TMEM132C: variants seen among roughly 807,000 people sequenced by gnomAD.
TMEM132C encodes the protein protein phosphatase 1, regulatory subunit 152.
Under a neutral mutation model 61.4 loss-of-function variants are expected in TMEM132C, and 29 were observed. The ratio of observed to expected loss-of-function variants is 0.47; its 90% CI spans 0.35 to 0.64. The LOEUF is 0.64. Ranked by LOEUF, TMEM132C falls within the 30% of genes least tolerant of loss-of-function variation. TMEM132C has a pLI of 0.00. For missense variants in TMEM132C, 1,408 were observed against 1,476.9 expected (o/e 0.95, Z 0.76); for synonymous variants, 656 against 633.1 (o/e 1.04, Z -0.54).
At chr12:128,373,264 A>T (rs1037279709) in intron 1 of TMEM132C, among the ~76,000 whole-genome samples, 4 of 152,120 alleles carry the variant, frequency 2.6e-5, no homozygotes, top group African/African-American at 9.7e-5. Flanking sequence ...GAAAGGAAGG[A>T]GTGGAGCTGG....
chr12:128,512,264 A>G (rs988765069), intron 2 of TMEM132C, among the ~76,000 whole-genome samples: 1 of 152,054 alleles, frequency 6.6e-6, no homozygotes, highest in East Asian at 1.9e-4. Context: ...AGCCACTTGC[A>G]TTTGTTTCTT....
rs549961487 is a variant in TMEM132C at position 128,548,480 on chromosome 12, A to G, written c.1121+4377A>G. On this transcript the variant is annotated intron_variant, in intron 3 of 8. Transcript: ENST00000435159. ...ACGTGGTTTGTGAAGGTGTTGCAGT[A>G]TGAAAATCCAGTGTATCAGTCAGCT... is the stretch of plus-strand genomic sequence containing the variant. Among the ~76,000 whole-genome samples the G allele has an allele frequency of 2.6e-5, 4 of 152,218 alleles. No individual in the cohort carries two copies. In the South Asian group the frequency reaches 8.3e-4, roughly 31 times the overall value.
At chr12:128,516,405 C>A (rs1249564617) in intron 2 of TMEM132C, among the ~76,000 whole-genome samples, 2 of 152,064 alleles carry the variant, frequency 1.3e-5, no homozygotes, top group African/African-American at 4.8e-5. Flanking sequence ...CCGAGGCGTT[C>A]CATAGCGGGC....
intron 2 of TMEM132C, among the ~76,000 whole-genome samples, chr12:128,538,521 T>G (rs896702360): frequency 6.6e-6 from 1 of 152,342 alleles, no homozygotes; most frequent in Admixed American, 6.5e-5. Flanking sequence ...CCCAAAGTTC[T>G]GGGATTACAA....
intron 1 of TMEM132C, among the ~76,000 whole-genome samples, chr12:128,267,985 C>T (rs991554311): frequency 3.3e-5 from 5 of 152,242 alleles, no homozygotes; most frequent in South Asian, 4.1e-4. Flanking sequence ...CTTTGCATCC[C>T]CTTTCCGCAA....
rs539523878 is a variant in TMEM132C, at chr12:128,672,997, A to C, written c.1449+3437A>C. 2.6e-5 allele frequency among the ~76,000 whole-genome samples: 4 copies of C among 152,336 alleles called. No homozygotes were observed. In the South Asian group the frequency reaches 6.2e-4, roughly 24 times the overall value. ...CACTGTATCAGCATCTTTCTGCACC[A>C]GTTGCCTGGGCTTCAGTTCCCACTG... On this transcript the variant is annotated intron_variant, in intron 5 of 8. Transcript: ENST00000435159.
intron 3 of TMEM132C, among the ~76,000 whole-genome samples, chr12:128,564,218 T>C (rs1874621110): frequency 6.6e-6 from 1 of 152,118 alleles, no homozygotes; most frequent in African/African-American, 2.4e-5. Context: ...TTAACTCAGC[T>C]CTGAAAGGCC....
intron 1 of TMEM132C, among the ~76,000 whole-genome samples, chr12:128,396,433 A>G (rs1372419614): frequency 1.3e-5 from 2 of 151,690 alleles, no homozygotes; most frequent in African/African-American, 2.4e-5. Context: ...GCTCGCATGC[A>G]TTAGACAAAT....
intron 2 of TMEM132C, among the ~76,000 whole-genome samples, chr12:128,489,562 C>CATATTTATAT (rs1555227211): frequency 6.5e-5 from 9 of 138,362 alleles, no homozygotes; most frequent in African/African-American, 2.3e-4. Context: ...TTTATATGCT[C>CATATTTATAT]ATATATATAT....
At chr12:128,409,879 C>T (rs568944900) in intron 1 of TMEM132C, among the ~76,000 whole-genome samples, 51 of 152,200 alleles carry the variant, frequency 3.4e-4, no homozygotes, top group South Asian at 6.2e-4. Flanking sequence ...ACTTTCTCCC[C>T]GGCTAAGAAA....
intron 5 of TMEM132C, among the ~76,000 whole-genome samples, chr12:128,689,474 C>T (rs768625572): frequency 1.3e-5 from 2 of 152,106 alleles, no homozygotes; most frequent in Non-Finnish European, 2.9e-5. Flanking sequence ...TTCATATTAA[C>T]GGAGCAGGTC....
chr12:128,425,710 T>A (rs1869159473), intron 2 of TMEM132C, among the ~76,000 whole-genome samples: 2 of 152,184 alleles, frequency 1.3e-5, no homozygotes, highest in Non-Finnish European at 2.9e-5. Context: ...TCGCCAGCTG[T>A]CCTCGATGGT....
intron 1 of TMEM132C, among the ~76,000 whole-genome samples, chr12:128,408,990 AAAG>A (rs982345328): frequency 9.9e-5 from 15 of 152,114 alleles, no homozygotes; most frequent in Middle Eastern, 3.2e-3. Context: ...GGAAGGCTGG[AAAG>A]AAGGAGAGAG....
chr12:128,695,772 C>A, intron 6 of TMEM132C, 58 bp from the exon 7 acceptor site: 1 of 1,468,518 alleles, frequency 6.8e-7, no homozygotes, highest in South Asian at 1.4e-5. Context: ...CTGCCTGTCT[C>A]AAGAACGTCT....
chr12:128,508,554 G>A (rs150706874), intron 2 of TMEM132C, among the ~76,000 whole-genome samples: 260 of 152,344 alleles, frequency 1.7e-3, no homozygotes, highest in African/African-American at 6.1e-3. Context: ...TGTGTGCAGA[G>A]CCACTTCCTG....
rs1297663280 is a variant in TMEM132C, at chr12:128,630,183, G to A, written c.1305+13848G>A. On this transcript the variant is annotated intron_variant, in intron 4 of 8. Coordinates refer to ENST00000435159, the MANE Select transcript of TMEM132C (RefSeq NM_001136103.3). This position sits in a 1 kb window ranked among gnomAD's most constrained non-coding sequence, Gnocchi z 4.3. ...AAGGTGTCTCAGGCGGCAAGCTGGCGGCAAGCCCAGGAATCTGCATCCCTA... is the reference window on the plus strand; with the variant it reads ...AAGGTGTCTCAGGCGGCAAGCTGGCAGCAAGCCCAGGAATCTGCATCCCTA... Among the ~76,000 whole-genome samples the A allele has an allele frequency of 1.3e-5, 2 of 151,906 alleles. No homozygotes were observed. Among genetic ancestry groups the A allele is most frequent in the African/African-American group, 2.4e-5 (1 of 41,362 alleles).
chr12:128,391,056 C>A (rs1874749597), intron 1 of TMEM132C, among the ~76,000 whole-genome samples: 1 of 152,132 alleles, frequency 6.6e-6, no homozygotes, highest in South Asian at 2.1e-4. Flanking sequence ...GGTTCCTGGG[C>A]CAGCAACATC....
intron 1 of TMEM132C, among the ~76,000 whole-genome samples, chr12:128,290,839 C>T (rs1199375180): frequency 1.4e-5 from 2 of 139,116 alleles, no homozygotes; most frequent in Non-Finnish European, 3.2e-5. Flanking sequence ...CCTTCTGTGG[C>T]TCATTTAACA....
At chr12:128,344,257 A>T (rs941137287) in intron 1 of TMEM132C, among the ~76,000 whole-genome samples, 6 of 152,134 alleles carry the variant, frequency 3.9e-5, no homozygotes, top group African/African-American at 1.4e-4. Flanking sequence ...TCCCGGGTTC[A>T]CGCCATTCTC....
Sources: allele counts gnomAD v4.1 joint callset (sites outside exome capture counted in the v4.1 genomes callset), GRCh38; gene constraint gnomAD v4.1.1; non-coding constraint Gnocchi (gnomAD v3.1); transcripts MANE v1.5; gene names NCBI Gene and HGNC (gene_info 2026-07-23, HGNC 2026-07-21).